TRPC1: variants seen among roughly 807,000 people sequenced by gnomAD.
TRPC1 encodes the protein short transient receptor potential channel 1.
Under a neutral mutation model 88.2 loss-of-function variants are expected in TRPC1, and 42 were observed. That is an observed-to-expected ratio of 0.48 (90% confidence interval 0.37 to 0.62). The LOEUF is 0.62. Among genes scored for constraint, TRPC1 ranks in the 20% least tolerant of loss-of-function variants. The probability of loss-of-function intolerance (pLI) is 0.00; values close to 1 mark genes in which losing one functional copy is unlikely to be tolerated. For missense variants in TRPC1, 699 were observed against 957.3 expected (o/e 0.73, Z 3.56); for synonymous variants, 288 against 331.8 (o/e 0.87, Z 1.43).
intron 4 of TRPC1, among the ~76,000 whole-genome samples, chr3:142,757,447 A>G (rs551196865): frequency 1.1e-4 from 17 of 152,282 alleles, no homozygotes; most frequent in African/African-American, 4.1e-4. Context: ...AATGTGGCAC[A>G]TATATACCCT....
At position 142,724,522 on chromosome 3, in the gene TRPC1, C is replaced by CGCCCCCGTCTCCTGGCCT. The variant is rs1933576393; in HGVS notation, c.-31_-14dup. ...TCGGGGTCGGGGCCGGTGGGGGCCC[C>CGCCCCCGTCTCCTGGCCT]GCCCCCGTCTCCTGGCCTGCCCCCT... On this transcript the variant is annotated 5_prime_UTR_variant, in exon 1 of 13. Transcript: ENST00000476941. This position sits in a 1 kb window ranked among gnomAD's most constrained non-coding sequence, Gnocchi z 5.6. 2.0e-6 allele frequency: 3 copies of CGCCCCCGTCTCCTGGCCT among 1,480,626 alleles called. No homozygotes were observed. Among genetic ancestry groups the CGCCCCCGTCTCCTGGCCT allele is most frequent in the Non-Finnish European group, 2.7e-6 (3 of 1,122,268 alleles). 91.7% of individuals were successfully genotyped at this position (1,480,626 alleles called of 1,614,324 possible).
chr3:142,724,456 CTCA>C lies in TRPC1; in HGVS notation c.-101_-99del. 2 of 1,190,480 alleles carry C rather than the reference CTCA, an allele frequency of 1.7e-6. No homozygotes were observed. Among genetic ancestry groups the C allele is most frequent in the Non-Finnish European group, 2.2e-6 (2 of 890,390 alleles). The allele number at this position is 1,190,480 out of a possible 1,614,324, so 73.7% of individuals were successfully genotyped here. A position where few individuals can be genotyped will look rare whatever the true frequency, so the allele number is the denominator to read the frequency against. Reference sequence around the variant, plus strand: ...CGAGCCGAGGCAGCAGTGGGAACGACTCATCCTTTTTCCAGCCCTGGGGCGTGG... The same window carrying C: ...CGAGCCGAGGCAGCAGTGGGAACGACTCCTTTTTCCAGCCCTGGGGCGTGG... On this transcript the variant is annotated 5_prime_UTR_variant, in exon 1 of 13. Transcript: ENST00000476941. The surrounding 1 kb of genome is among the most constrained non-coding windows in gnomAD (Gnocchi z 5.6).
chr3:142,756,441 G>T (rs1274311174), intron 4 of TRPC1, among the ~76,000 whole-genome samples: 1 of 150,534 alleles, frequency 6.6e-6, no homozygotes, highest in East Asian at 2.0e-4. Context: ...CTCACTGCAA[G>T]CTCCGCCTCC....
chr3:142,779,231 G>A (rs914968890), intron 5 of TRPC1, among the ~76,000 whole-genome samples: 2 of 152,158 alleles, frequency 1.3e-5, no homozygotes, highest in African/African-American at 2.4e-5. Flanking sequence ...ATAAAGGCTA[G>A]ATTTTTACTA....
chr3:142,778,630 G>A (rs1358169089), intron 5 of TRPC1, among the ~76,000 whole-genome samples: 1 of 152,084 alleles, frequency 6.6e-6, no homozygotes, highest in Non-Finnish European at 1.5e-5. Context: ...TTCTACTGGG[G>A]ATCTATAACT....
chr3:142,771,373 GC>G (rs1935568994), intron 4 of TRPC1, among the ~76,000 whole-genome samples: 1 of 151,952 alleles, frequency 6.6e-6, no homozygotes, highest in Non-Finnish European at 1.5e-5. Flanking sequence ...ATGGGGTTTT[GC>G]CACGTTGCCC....
rs1560117223 is a variant in TRPC1 at position 142,792,930 on chromosome 3, T to G, written c.1544T>G (p.Phe515Cys). Residue 515 changes from phenylalanine to cysteine, a missense_variant, in exon 9 of 13, where the codon TTT becomes TGT. By Grantham distance (205) the Phe-to-Cys change is radical. This residue lies in a region of TRPC1 where 426 missense variants were observed against 641.3 expected (regional missense o/e 0.66). Coordinates refer to ENST00000476941, the MANE Select transcript of TRPC1 (RefSeq NM_001251845.2). This position sits in a 1 kb window ranked among gnomAD's most constrained non-coding sequence, Gnocchi z 4.0. ...GTTCTAAGTTATCTTCGTCTCTTTT[T>G]TATGTATACAACCAGCTCTATCTTG... is the stretch of plus-strand genomic sequence containing the variant. ...ANVLSYLRLF[F>C]MYTTSSILGP... 3 of 1,609,856 alleles carry G rather than the reference T, an allele frequency of 1.9e-6. No individual in the cohort carries two copies. The highest frequency in any genetic ancestry group is 2.5e-6 in the Non-Finnish European group (3 of 1,177,710).
At position 142,724,675 on chromosome 3, in the gene TRPC1, A is replaced by T. The variant is rs1933593714; in HGVS notation, c.116A>T (p.Glu39Val). 6.2e-7 allele frequency: 1 copy of T among 1,610,430 alleles called. No individual in the cohort carries two copies. Among genetic ancestry groups the T allele is most frequent in the African/African-American group, 1.3e-5 (1 of 74,420 alleles). Reference sequence around the variant, plus strand: ...GTGATGGCGCTGAAGGATGTGCGGGAGGTGAAGGAGGAGAATACGCTGAAT... The same window carrying T: ...GTGATGGCGCTGAAGGATGTGCGGGTGGTGAAGGAGGAGAATACGCTGAAT... ...NEVMALKDVR[E>V]VKEENTLNEK... Residue 39 changes from glutamate (E) to valine (V), a missense_variant, in exon 1 of 13, where the codon GAG becomes GTG. Coordinates refer to ENST00000476941, the MANE Select transcript of TRPC1 (RefSeq NM_001251845.2). This position sits in a 1 kb window ranked among gnomAD's most constrained non-coding sequence, Gnocchi z 5.6.
chr3:142,766,060 A>C (rs1490070976), intron 4 of TRPC1, among the ~76,000 whole-genome samples: 1 of 152,146 alleles, frequency 6.6e-6, no homozygotes, highest in Non-Finnish European at 1.5e-5. Flanking sequence ...GATGCTGGCA[A>C]GGTTATGGAG....
At chr3:142,768,554 T>C (rs1343388941) in intron 4 of TRPC1, among the ~76,000 whole-genome samples, 1 of 152,158 alleles carries the variant, frequency 6.6e-6, no homozygotes, top group Non-Finnish European at 1.5e-5. Context: ...TGCCTTTTGA[T>C]TGAAGTGTTT....
chr3:142,790,867 G>C, intron 7 of TRPC1, 152 bp from the exon 8 acceptor site: 1 of 592,036 alleles, frequency 1.7e-6, no homozygotes, highest in Non-Finnish European at 2.5e-6. Context: ...CAGATTTTAA[G>C]AACTTTTCAC....
intron 9 of TRPC1, among the ~76,000 whole-genome samples, chr3:142,798,576 G>A (rs543729127): frequency 6.6e-6 from 1 of 152,290 alleles, no homozygotes; most frequent in East Asian, 1.9e-4. Flanking sequence ...GCAGAAGCGT[G>A]GAGTCCTAAA....
intron 3 of TRPC1, among the ~76,000 whole-genome samples, chr3:142,744,365 A>G (rs1010543491): frequency 2.6e-5 from 4 of 152,138 alleles, no homozygotes; most frequent in African/African-American, 9.7e-5. Context: ...AGGTGTTCAT[A>G]TGCTTTAACT....
chr3:142,790,930 T>A (rs1936276193), intron 7 of TRPC1, 89 bp from the exon 8 acceptor site: 3 of 1,095,688 alleles, frequency 2.7e-6, no homozygotes, highest in Non-Finnish European at 3.6e-6. Flanking sequence ...CCAAGGATTA[T>A]TTATTTAATA....
chr3:142,792,843 G>A lies in TRPC1; in HGVS notation c.1457G>A (p.Arg486Gln), dbSNP rs750475343. The A allele has an allele frequency of 2.5e-6, 4 of 1,585,128 alleles. No homozygotes were observed. The highest frequency in any genetic ancestry group is 1.8e-5 in the Admixed American group (1 of 56,396). The change falls in exon 9 of 13, where the codon CGG becomes CAG. Residue 486 changes from arginine to glutamine, a missense_variant. By Grantham distance (43) the Arg-to-Gln change is conservative. Transcript: ENST00000476941. This position sits in a 1 kb window ranked among gnomAD's most constrained non-coding sequence, Gnocchi z 4.0. ...AHNKFHDFAD[R>Q]KDWDAFHPTL... is the part of the protein sequence containing the mutation. ...CCTTAGTTTCATGATTTTGCTGATC[G>A]GAAGGATTGGGATGCATTCCATCCT...
intron 1 of TRPC1, among the ~76,000 whole-genome samples, chr3:142,730,323 C>G (rs1274240509): frequency 6.6e-6 from 1 of 152,054 alleles, no homozygotes; most frequent in Admixed American, 6.5e-5. Flanking sequence ...TTTTTTCAGG[C>G]AGCAGTGTGA....
chr3:142,791,150 C>A lies in TRPC1; in HGVS notation c.1429C>A (p.His477Asn). The change falls in exon 8 of 13, where the codon CAC becomes AAC. Residue 477 changes from histidine to asparagine, a missense_variant. By Grantham distance (68) the His-to-Asn change is moderately conservative (BLOSUM62 1). This residue lies in a region of TRPC1 where 426 missense variants were observed against 641.3 expected (regional missense o/e 0.66). Transcript: ENST00000476941. ...AACCTTTGCCCTCAAAGTGGTTGCT[C>A]ACAACAAGGTGACTATTTACTATGT... is the stretch of plus-strand genomic sequence containing the variant. ...LATFALKVVAHNKFHDFADRK... is the reference protein window; with the variant it reads ...LATFALKVVANNKFHDFADRK... The A allele has an allele frequency of 6.2e-7, 1 of 1,600,886 alleles. No individual in the cohort carries two copies.
intron 1 of TRPC1, among the ~76,000 whole-genome samples, chr3:142,732,567 G>A (rs528306668): frequency 6.6e-6 from 1 of 152,204 alleles, no homozygotes; most frequent in East Asian, 1.9e-4. Context: ...GATCATGGGG[G>A]TTTGGACTGT....
intron 12 of TRPC1, among the ~76,000 whole-genome samples, chr3:142,805,278 A>T (rs1047753647): frequency 1.9e-4 from 29 of 152,064 alleles, no homozygotes; most frequent in African/African-American, 6.5e-4. Context: ...GGAAATATTC[A>T]AAATACCCAT....
Sources: gnomAD v4.1 joint callset for allele counts (sites outside exome capture counted in the v4.1 genomes callset) on GRCh38, gnomAD v4.1.1 for gene constraint, gnomAD v4.1.1 regional missense constraint, Gnocchi (gnomAD v3.1) non-coding constraint, MANE v1.5 for transcripts, NCBI Gene and HGNC (gene_info 2026-07-23, HGNC 2026-07-21) for gene names.